Variants in DDX46 observed in about 807,000 individuals in gnomAD.
DDX46 encodes the protein probable ATP-dependent RNA helicase DDX46.
DDX46 carries 30 observed loss-of-function variants against 134.9 expected under a neutral mutation model. The observed-to-expected ratio is 0.22, with a 90% CI of 0.17 to 0.30. The LOEUF (loss-of-function observed/expected upper bound fraction) is 0.30, where lower values mean the gene tolerates loss of function less well. Among genes scored for constraint, DDX46 ranks in the 10% least tolerant of loss-of-function variants. DDX46 has a pLI of 1.00. For synonymous variants in DDX46, 415 were observed against 404.1 expected (o/e 1.03, Z -0.32); for missense variants, 622 against 1,248.7 (o/e 0.50, Z 7.56).
chr5:134,818,186 C>T (rs1349219065), intron 20 of DDX46, among the ~76,000 whole-genome samples: 3 of 151,406 alleles, frequency 2.0e-5, no homozygotes, highest in Admixed American at 6.6e-5. Flanking sequence ...CTCGAACTCC[C>T]GACCTCAGGT....
chr5:134,770,122 C>T (rs1327556519), intron 3 of DDX46, among the ~76,000 whole-genome samples: 1 of 151,916 alleles, frequency 6.6e-6, no homozygotes, highest in African/African-American at 2.4e-5. Context: ...GTCTCGAACT[C>T]CTGGGCTCAA....
intron 20 of DDX46, 36 bp downstream of exon 20, chr5:134,817,750 G>A: frequency 6.4e-7 from 1 of 1,561,032 alleles, no homozygotes; most frequent in African/African-American, 1.4e-5. Flanking sequence ...TTATTGTGAA[G>A]TAGCAACTCT....
In DDX46 at chr5:134,773,596, A is replaced by C. The variant is rs932721473; in HGVS notation, c.448-100A>C. 6.6e-6 allele frequency: 9 copies of C among 1,354,064 alleles called. No individual in the cohort carries two copies. In the African/African-American group the frequency reaches 1.3e-4, roughly 20 times the overall value. 83.9% of individuals were successfully genotyped at this position (1,354,064 alleles called of 1,614,324 possible). A position where few individuals can be genotyped will look rare whatever the true frequency, so the allele number is the denominator to read the frequency against. ...ATATGCCTTTTTTCCCCTTCTTTAT[A>C]CTTTGAAGAACTTACTGGAATGTCA... On this transcript the variant is annotated intron_variant, in intron 4 of 22. Coordinates refer to ENST00000452510, the MANE Select transcript of DDX46 (RefSeq NM_001300860.2).
rs1561871547 is a variant in DDX46, at chr5:134,811,326, CTG to C, written c.2257_2258del (p.Trp753GlufsTer2). 2.5e-6 allele frequency: 4 copies of C among 1,613,904 alleles called. No homozygotes were observed. The highest frequency in any genetic ancestry group is 3.4e-6 in the Non-Finnish European group (4 of 1,179,978). ...GTAVPPDLEK[L>X]WSDFKDQQKA... Reference sequence around the variant, plus strand: ...TGCAGTACCTCCTGATTTAGAGAAACTGTGGAGTGATTTCAAAGATCAGCAGA... The same window carrying C: ...TGCAGTACCTCCTGATTTAGAGAAACTGGAGTGATTTCAAAGATCAGCAGA... On this transcript the variant is annotated frameshift_variant, in exon 17 of 23. Transcript: ENST00000452510. LOFTEE classifies it high-confidence loss of function.
At chr5:134,796,296 A>G (rs561281531) in intron 15 of DDX46, 146 bp downstream of exon 15, 2 of 859,642 alleles carry the variant, frequency 2.3e-6, no homozygotes, top group East Asian at 2.7e-5. Flanking sequence ...TTGTGGGAGT[A>G]AGATTATTAT....
intron 21 of DDX46, among the ~76,000 whole-genome samples, chr5:134,823,950 A>G (rs1755523425): frequency 6.6e-6 from 1 of 152,240 alleles, no homozygotes; most frequent in Non-Finnish European, 1.5e-5. Flanking sequence ...TGCCTTATAA[A>G]GAGGTAAGTG....
chr5:134,776,597 T>C (rs1052046328), intron 5 of DDX46, among the ~76,000 whole-genome samples: 24 of 152,056 alleles, frequency 1.6e-4, no homozygotes, highest in African/African-American at 5.6e-4. Context: ...TTCAAACCTA[T>C]GTTGTTCAGG....
Position 134,827,035 on chromosome 5 carries a change from T to TA in DDX46, c.3051+18dup. On this transcript the variant is annotated intron_variant, in intron 22 of 22. Transcript: ENST00000452510. ...TGATCCGGCTGGTGAGTGAAAACCT[T>TA]AAAGTTTCGTTTGTTTTGTTTTAAT... 2.5e-6 allele frequency: 4 copies of TA among 1,604,466 alleles called. No individual in the cohort carries two copies. Among genetic ancestry groups the TA allele is most frequent in the Non-Finnish European group, 3.4e-6 (4 of 1,175,762 alleles).
rs960765484 is a variant in DDX46 at position 134,831,048 on chromosome 5, G to GT, written c.*2349dup. On this transcript the variant is annotated 3_prime_UTR_variant, in exon 23 of 23. Coordinates refer to ENST00000452510, the MANE Select transcript of DDX46 (RefSeq NM_001300860.2). ...AAAATTTGAATGATATATAGACTTT[G>GT]TTTTTTTAATGCAATATGAATATTT... is the stretch of plus-strand genomic sequence containing the variant. 3 of 151,814 alleles carry GT rather than the reference G, an allele frequency of 2.0e-5. No homozygotes were observed. The highest frequency in any genetic ancestry group is 6.6e-5 in the Admixed American group (1 of 15,200). The allele number at this position is 151,814 out of a possible 1,614,324, so 9.4% of individuals were successfully genotyped here. A position where few individuals can be genotyped will look rare whatever the true frequency, so the allele number is the denominator to read the frequency against.
chr5:134,773,252 A>C (rs544265939), intron 4 of DDX46, among the ~76,000 whole-genome samples: 1 of 152,242 alleles, frequency 6.6e-6, no homozygotes, highest in South Asian at 2.1e-4. Context: ...TTTCTTTATC[A>C]TGTTGATGTC....
intron 2 of DDX46, among the ~76,000 whole-genome samples, chr5:134,765,434 A>G (rs895446986): frequency 2.6e-5 from 4 of 151,404 alleles, no homozygotes; most frequent in African/African-American, 9.7e-5. Context: ...ATGCCTGTAA[A>G]CCCAGCTGCT....
intron 20 of DDX46, among the ~76,000 whole-genome samples, chr5:134,818,274 A>G (rs1478594778): frequency 2.6e-5 from 4 of 151,336 alleles, no homozygotes; most frequent in African/African-American, 7.3e-5. Context: ...TTCTATTTTT[A>G]GTAGAGACGG....
At chr5:134,796,655 C>T (rs976706389) in intron 15 of DDX46, among the ~76,000 whole-genome samples, 4 of 151,770 alleles carry the variant, frequency 2.6e-5, no homozygotes, top group African/African-American at 9.7e-5. Flanking sequence ...GAGTTGGAGA[C>T]CAGTCTGGCC....
intron 1 of DDX46, among the ~76,000 whole-genome samples, chr5:134,762,839 G>A (rs193254301): frequency 3.6e-3 from 543 of 152,246 alleles, no homozygotes; most frequent in Middle Eastern, 0.014. Context: ...GGTGGATCAC[G>A]AGGTCAGGAG....
intron 15 of DDX46, among the ~76,000 whole-genome samples, chr5:134,805,324 C>T (rs1191136853): frequency 5.3e-5 from 8 of 151,866 alleles, no homozygotes; most frequent in Admixed American, 3.3e-4. Context: ...CCTGCCACCA[C>T]GCCTGGCTAA....
At chr5:134,769,266 A>G (rs781498213) in intron 3 of DDX46, among the ~76,000 whole-genome samples, 13 of 151,396 alleles carry the variant, frequency 8.6e-5, no homozygotes, top group Middle Eastern at 3.4e-3. Context: ...TGAATTTCCA[A>G]ATATTTAGTA....
At chr5:134,817,381 T>C in intron 19 of DDX46, 115 bp from the exon 20 acceptor site, 1 of 991,830 alleles carries the variant, frequency 1.0e-6, no homozygotes, top group Non-Finnish European at 1.5e-6. Context: ...TAGAAAGGTT[T>C]ATTTATTAAA....
chr5:134,797,204 A>G (rs1754692077), intron 15 of DDX46: 1 of 300,092 alleles, frequency 3.3e-6, no homozygotes, highest in African/African-American at 2.3e-5. Flanking sequence ...AAAACACAAA[A>G]CACATGGAAC....
chr5:134,760,345 G>A (rs192480373), intron 1 of DDX46, among the ~76,000 whole-genome samples: 127 of 152,296 alleles, frequency 8.3e-4, no homozygotes, highest in Middle Eastern at 3.4e-3. Flanking sequence ...AAGGCGCAAG[G>A]TGTTAGAGAA....
Sources: allele counts gnomAD v4.1 joint callset (sites outside exome capture counted in the v4.1 genomes callset), GRCh38; gene constraint gnomAD v4.1.1; transcripts MANE v1.5; gene names NCBI Gene and HGNC (gene_info 2026-07-23, HGNC 2026-07-21).